TRAP1: variants seen among roughly 807,000 people sequenced by gnomAD.
TRAP1 encodes the protein heat shock protein 75 kDa, mitochondrial.
Under a neutral mutation model 89.1 loss-of-function variants are expected in TRAP1, and 102 were observed. That is an observed-to-expected ratio of 1.15 (90% CI 0.98 to 1.35). The LOEUF is 1.35. Ranked by LOEUF, TRAP1 falls within the 40% of genes most tolerant of loss-of-function variation. The pLI, the probability that TRAP1 is intolerant of heterozygous loss-of-function variation, is 0.00. For missense variants in TRAP1, 1,256 were observed against 945.3 expected, an observed-to-expected ratio of 1.33 and a Z score of -4.31; for synonymous variants, 508 against 388.0, an observed-to-expected ratio of 1.31 and a Z score of -3.64.
At chr16:3,687,975 TG>T (rs1224957025) in intron 3 of TRAP1, among the ~76,000 whole-genome samples, 2 of 151,606 alleles carry the variant, frequency 1.3e-5, no homozygotes, top group African/African-American at 4.8e-5. Flanking sequence ...TGGAGGTCAC[TG>T]GGAGTCAGGA....
At chr16:3,680,923 G>A (rs756335235) in intron 4 of TRAP1, among the ~76,000 whole-genome samples, 1 of 152,178 alleles carries the variant, frequency 6.6e-6, no homozygotes, top group Non-Finnish European at 1.5e-5. Context: ...CTCTAGAACT[G>A]TAAGCAATAG....
chr16:3,671,727 G>A lies in TRAP1; in HGVS notation c.1230C>T (p.Leu410=), dbSNP rs1261419248. Residue 410 remains leucine (L), a synonymous_variant, in exon 11 of 18, where the codon CTC becomes CTT. Transcript: ENST00000246957. ...LSRELLQESA[L]IRKLRDVLQQ... Reference sequence around the variant, plus strand: ...CCCCGCGGCCCGAGGCTCACCTGATGAGTGCGCTCTCCTGCAGCAGCTCCC... The same window carrying A: ...CCCCGCGGCCCGAGGCTCACCTGATAAGTGCGCTCTCCTGCAGCAGCTCCC... 6.2e-7 allele frequency: 1 copy of A among 1,612,900 alleles called. No homozygotes were observed. The highest frequency in any genetic ancestry group is 1.3e-5 in the African/African-American group (1 of 75,076).
intron 6 of TRAP1, chr16:3,676,452 C>T (rs932092545): frequency 3.0e-5 from 6 of 201,292 alleles, no homozygotes; most frequent in Admixed American, 6.0e-5. Context: ...GCCTGGGGCA[C>T]TGTGGGGGAC....
chr16:3,709,241 A>G (rs986723270), intron 1 of TRAP1, among the ~76,000 whole-genome samples: 6 of 151,812 alleles, frequency 4.0e-5, no homozygotes, highest in East Asian at 3.9e-4. Context: ...AAAAAAAAAA[A>G]AAAAAAGAAA....
chr16:3,695,216 T>C (rs1371863083), intron 1 of TRAP1, among the ~76,000 whole-genome samples: 1 of 152,028 alleles, frequency 6.6e-6, no homozygotes, highest in African/African-American at 2.4e-5. Flanking sequence ...ACATCTTTCG[T>C]GGGGAGACAC....
intron 1 of TRAP1, among the ~76,000 whole-genome samples, chr16:3,693,387 TAA>T (rs548662972): frequency 3.6e-4 from 47 of 129,026 alleles, no homozygotes; most frequent in Non-Finnish European, 3.9e-4. Flanking sequence ...TTCGTACAGT[TAA>T]AAAAAAAAAA....
At chr16:3,669,444 T>A (rs1378199510) in intron 11 of TRAP1, among the ~76,000 whole-genome samples, 1 of 152,176 alleles carries the variant, frequency 6.6e-6, no homozygotes, top group African/African-American at 2.4e-5. Context: ...AACATCTCTT[T>A]AGTCAGCAAG....
intron 12 of TRAP1, chr16:3,664,744 A>G (rs2050788867): frequency 1.0e-5 from 4 of 394,986 alleles, no homozygotes; most frequent in Non-Finnish European, 1.8e-5. Context: ...GACCCCACCC[A>G]ACAGCAGAGC....
At chr16:3,703,785 G>A (rs1428540288) in intron 1 of TRAP1, among the ~76,000 whole-genome samples, 3 of 151,928 alleles carry the variant, frequency 2.0e-5, no homozygotes, top group African/African-American at 4.9e-5. Flanking sequence ...GGAGGCCGAG[G>A]CGGGCAGATC....
chr16:3,685,378 G>A (rs2051125545), intron 4 of TRAP1, among the ~76,000 whole-genome samples: 1 of 152,134 alleles, frequency 6.6e-6, no homozygotes, highest in South Asian at 2.1e-4. Flanking sequence ...ACGCGTGCCT[G>A]CATTCATTTA....
At chr16:3,710,875 A>ATTTTTTTTT (rs1463164560) in intron 1 of TRAP1, among the ~76,000 whole-genome samples, 59 of 59,110 alleles carry the variant, frequency 1.0e-3, no homozygotes, top group African/African-American at 3.5e-3. Flanking sequence ...ATATATATAT[A>ATTTTTTTTT]TATATTTTTT....
chr16:3,672,407 A>G (rs749301998), intron 10 of TRAP1, among the ~76,000 whole-genome samples: 2 of 152,190 alleles, frequency 1.3e-5, no homozygotes, highest in Non-Finnish European at 2.9e-5. Flanking sequence ...TTCTTAAACT[A>G]TAATCTCACT....
In TRAP1 at chr16:3,663,444, T is replaced by G. The variant is rs2050737496; in HGVS notation, c.1688A>C (p.Lys563Thr). Reference protein sequence around the residue: ...DIVVDHYKEEKFEDRSPAAEC... With the variant: ...DIVVDHYKEETFEDRSPAAEC... ...CCGACCTGGGGACCTGTCCTCAAAC[T>G]TCTCCTCCTTGTAGTGATCCACGAC... is the stretch of plus-strand genomic sequence containing the variant. Residue 563 changes from lysine (K) to threonine (T), a missense_variant, in exon 14 of 18, where the codon AAG (lysine) becomes ACG (threonine). Coordinates refer to ENST00000246957, the MANE Select transcript of TRAP1 (RefSeq NM_016292.3). 2 of 1,614,016 alleles carry G rather than the reference T, an allele frequency of 1.2e-6. No homozygotes were observed. The highest frequency in any genetic ancestry group is 1.7e-6 in the Non-Finnish European group (2 of 1,179,992).
At chr16:3,680,935 G>T (rs1428712410) in intron 4 of TRAP1, among the ~76,000 whole-genome samples, 4 of 152,174 alleles carry the variant, frequency 2.6e-5, no homozygotes, top group African/African-American at 4.8e-5. Flanking sequence ...AAGCAATAGG[G>T]TTCTGTTGTT....
rs1002153257 is a variant in TRAP1 at position 3,691,902 on chromosome 16, C to T, written c.89-917G>A. ...CAGTCCAGTGGGCTGAGAAAGTTGC[C>T]GGCAGAGCCCAGCGAGGGAGGAAAG... is the stretch of plus-strand genomic sequence containing the variant. On this transcript the variant is annotated intron_variant, in intron 1 of 17. Transcript: ENST00000246957. Among the ~76,000 whole-genome samples the T allele has an allele frequency of 1.5e-4, 23 of 152,226 alleles. No homozygotes were observed. In the South Asian group the frequency reaches 4.6e-3, roughly 30 times the overall value.
chr16:3,671,936 A>ATT (rs1485155764), intron 10 of TRAP1, 145 bp from the exon 11 acceptor site: 1 of 840,608 alleles, frequency 1.2e-6, no homozygotes, highest in Non-Finnish European at 1.9e-6. Flanking sequence ...GCACTGCCGG[A>ATT]GCTTCCTCTA....
intron 7 of TRAP1, 81 bp downstream of exon 7, chr16:3,675,955 C>A: frequency 1.6e-6 from 2 of 1,263,498 alleles, no homozygotes; most frequent in Non-Finnish European, 2.2e-6. Flanking sequence ...CAGGTAGAAC[C>A]AGGGAAAATG....
intron 1 of TRAP1, among the ~76,000 whole-genome samples, chr16:3,703,996 C>A (rs1408671987): frequency 7.0e-6 from 1 of 143,328 alleles, no homozygotes; most frequent in Non-Finnish European, 1.5e-5. Context: ...GCCTGGGCGA[C>A]AGAGCGAGAC....
At chr16:3,663,349 G>A (rs2151241532) in intron 14 of TRAP1, 75 bp downstream of exon 14, 2 of 1,578,874 alleles carry the variant, frequency 1.3e-6, no homozygotes, top group South Asian at 1.1e-5. Context: ...CCCAAAGGAA[G>A]CCCTCGCTGC....
Sources: allele counts gnomAD v4.1 joint callset (sites outside exome capture counted in the v4.1 genomes callset), GRCh38; gene constraint gnomAD v4.1.1; transcripts MANE v1.5; gene names NCBI Gene and HGNC (gene_info 2026-07-23, HGNC 2026-07-21).